SPIDR: variants seen among roughly 807,000 people sequenced by gnomAD.
SPIDR encodes the protein scaffold protein involved in DNA repair.
Under a neutral mutation model 104.6 loss-of-function variants are expected in SPIDR, and 93 were observed. That is an observed-to-expected ratio of 0.89 (90% CI 0.75 to 1.06). The LOEUF (loss-of-function observed/expected upper bound fraction) is 1.06. SPIDR is among the 50% of genes least tolerant of loss of function. The probability of loss-of-function intolerance (pLI) is 0.00; values close to 1 mark genes in which losing one functional copy is unlikely to be tolerated. For synonymous variants in SPIDR, 431 were observed against 416.9 expected (o/e 1.03, Z -0.41); for missense variants, 1,154 against 1,111.2 (o/e 1.04, Z -0.55).
chr8:47,398,434 G>C (rs144429967), intron 6 of SPIDR, among the ~76,000 whole-genome samples: 1,612 of 152,252 alleles, frequency 0.011, 10 homozygotes, highest in Non-Finnish European at 0.016. Flanking sequence ...AAATTTTATG[G>C]AGAAAAAGCA....
intron 5 of SPIDR, among the ~76,000 whole-genome samples, chr8:47,374,847 G>A (rs1376275221): frequency 2.0e-5 from 3 of 152,002 alleles, no homozygotes; most frequent in African/African-American, 7.2e-5. Context: ...CTTGAAGTTA[G>A]GAAGTTTGAG....
At chr8:47,298,418 A>T (rs1171983691) in intron 5 of SPIDR, among the ~76,000 whole-genome samples, 11 of 152,158 alleles carry the variant, frequency 7.2e-5, no homozygotes, top group Admixed American at 2.0e-4. Flanking sequence ...GTTCACTCTG[A>T]TGGTAGTTTC....
rs138679813 is a variant in SPIDR at position 47,730,005 on chromosome 8, C to T, written c.2604+540C>T. On this transcript the variant is annotated intron_variant, in intron 19 of 19. Coordinates refer to ENST00000297423, the MANE Select transcript of SPIDR (RefSeq NM_001080394.4). ...AAGTGATGGGATTACAGGCATGAGCCGCTGCACCCAGCCTGCCCCCTGGCT... is the reference window on the plus strand; with the variant it reads ...AAGTGATGGGATTACAGGCATGAGCTGCTGCACCCAGCCTGCCCCCTGGCT... Among the ~76,000 whole-genome samples the T allele has an allele frequency of 3.4e-3, 514 of 152,196 alleles. 2 individuals carry two copies. Among genetic ancestry groups the T allele is most frequent in the African/African-American group, 0.012 (495 of 41,532 alleles).
intron 16 of SPIDR, among the ~76,000 whole-genome samples, chr8:47,726,650 G>A (rs1367050697): frequency 1.3e-5 from 2 of 152,196 alleles, no homozygotes; most frequent in Non-Finnish European, 2.9e-5. Flanking sequence ...TCCTCAGGAA[G>A]CCATGACCCT....
In SPIDR at chr8:47,624,049, G is replaced by C. The variant is rs531856220; in HGVS notation, c.1544+24853G>C. Among the ~76,000 whole-genome samples the C allele has an allele frequency of 2.8e-4, 43 of 152,308 alleles. 1 individual carries two copies. Among genetic ancestry groups the C allele is most frequent in the Non-Finnish European group, 5.1e-4 (35 of 68,038 alleles). Reference sequence around the variant, plus strand: ...ATAACAAACTGTCTCTCAGACCACAGTGCAATCAAACTAGAACTCAGGATT... The same window carrying C: ...ATAACAAACTGTCTCTCAGACCACACTGCAATCAAACTAGAACTCAGGATT... On this transcript the variant is annotated intron_variant, in intron 10 of 19. Coordinates refer to ENST00000297423, the MANE Select transcript of SPIDR (RefSeq NM_001080394.4).
At chr8:47,690,178 G>A (rs1026941684) in intron 11 of SPIDR, among the ~76,000 whole-genome samples, 4 of 151,988 alleles carry the variant, frequency 2.6e-5, no homozygotes, top group Non-Finnish European at 5.9e-5. Flanking sequence ...GGAATAATAA[G>A]TACCACCAGG....
intron 8 of SPIDR, among the ~76,000 whole-genome samples, chr8:47,540,282 A>G (rs756549494): frequency 1.4e-4 from 22 of 152,208 alleles, no homozygotes; most frequent in Non-Finnish European, 2.1e-4. Context: ...GCATAGGGGA[A>G]AATAAATATT....
intron 5 of SPIDR, among the ~76,000 whole-genome samples, chr8:47,312,805 G>C (rs1265459892): frequency 6.6e-6 from 1 of 152,168 alleles, no homozygotes; most frequent in South Asian, 2.1e-4. Flanking sequence ...CCATGCCTAT[G>C]TCCTGAATGG....
intron 8 of SPIDR, among the ~76,000 whole-genome samples, chr8:47,566,457 A>G (rs1457739155): frequency 6.6e-6 from 1 of 152,134 alleles, no homozygotes; most frequent in Non-Finnish European, 1.5e-5. Flanking sequence ...GAATTGTAGG[A>G]CTAGAAAGGA....
intron 6 of SPIDR, among the ~76,000 whole-genome samples, chr8:47,398,297 A>G (rs1241513647): frequency 1.3e-5 from 2 of 152,198 alleles, no homozygotes; most frequent in African/African-American, 2.4e-5. Flanking sequence ...AGCACTGTTC[A>G]TGCACAGGAG....
At chr8:47,498,573 A>G (rs943727019) in intron 8 of SPIDR, among the ~76,000 whole-genome samples, 6 of 152,172 alleles carry the variant, frequency 3.9e-5, no homozygotes, top group African/African-American at 1.4e-4. Flanking sequence ...TGACTATAAA[A>G]ATAGGACCAG....
intron 6 of SPIDR, among the ~76,000 whole-genome samples, chr8:47,398,126 A>G (rs1405110424): frequency 6.6e-6 from 1 of 152,234 alleles, no homozygotes; most frequent in African/African-American, 2.4e-5. Flanking sequence ...TTGTAATAGT[A>G]GTAGAATGTA....
intron 7 of SPIDR, among the ~76,000 whole-genome samples, chr8:47,431,082 C>T (rs2067281405): frequency 6.6e-6 from 1 of 152,178 alleles, no homozygotes; most frequent in Admixed American, 6.5e-5. Flanking sequence ...TCTCACAGTG[C>T]TGGAGGCTGG....
At chr8:47,366,020 A>G (rs1482491430) in intron 5 of SPIDR, among the ~76,000 whole-genome samples, 7 of 152,164 alleles carry the variant, frequency 4.6e-5, no homozygotes, top group African/African-American at 1.7e-4. Context: ...TTCCTGATAC[A>G]GTGGGAAAGG....
chr8:47,598,810 A>T, intron 9 of SPIDR, 136 bp from the exon 10 acceptor site: 1 of 1,138,354 alleles, frequency 8.8e-7, no homozygotes, highest in Non-Finnish European at 1.2e-6. Context: ...CATCTTCATC[A>T]TCACTTCAGT....
At chr8:47,344,587 G>A (rs1420704005) in intron 5 of SPIDR, among the ~76,000 whole-genome samples, 1 of 152,132 alleles carries the variant, frequency 6.6e-6, no homozygotes, top group Non-Finnish European at 1.5e-5. Flanking sequence ...TCTCACCAAC[G>A]GTGTAAAAGC....
chr8:47,408,384 C>T (rs919766230), intron 7 of SPIDR, among the ~76,000 whole-genome samples: 6 of 152,166 alleles, frequency 3.9e-5, no homozygotes, highest in African/African-American at 1.4e-4. Flanking sequence ...TTCAGCCTCC[C>T]GACTGGCTAA....
intron 1 of SPIDR, among the ~76,000 whole-genome samples, 197 bp downstream of exon 1, chr8:47,261,188 G>T (rs1035363459): frequency 2.0e-4 from 31 of 152,314 alleles, no homozygotes; most frequent in Non-Finnish European, 7.4e-5. Flanking sequence ...GTCCGGCTCC[G>T]GTCCAGGCGT....
intron 5 of SPIDR, among the ~76,000 whole-genome samples, chr8:47,365,007 G>A (rs1554633473): frequency 1.3e-5 from 2 of 152,212 alleles, no homozygotes; most frequent in Non-Finnish European, 2.9e-5. Context: ...CTCTGTGCAT[G>A]TACAGCACAG....
Sources: allele counts gnomAD v4.1 joint callset (sites outside exome capture counted in the v4.1 genomes callset), GRCh38; gene constraint gnomAD v4.1.1; transcripts MANE v1.5; gene names NCBI Gene and HGNC (gene_info 2026-07-23, HGNC 2026-07-21).